Variants in RP1L1 observed in about 807,000 individuals in gnomAD.
RP1L1 encodes retinitis pigmentosa 1-like 1 protein.
In RP1L1, 27 loss-of-function variants were observed where a neutral mutation model predicts 15.7. That is an observed-to-expected ratio of 1.72 (90% CI 1.27 to 2.38). The LOEUF is 2.38. Ranked by LOEUF, RP1L1 falls within the 30% of genes most tolerant of loss-of-function variation. The probability of loss-of-function intolerance (pLI) is 0.00; values close to 1 mark genes in which losing one functional copy is unlikely to be tolerated. For missense variants in RP1L1, 4,798 were observed against 3,075.9 expected (o/e 1.56, Z -13.24); for synonymous variants, 1,813 against 1,276.7 (o/e 1.42, Z -8.96).
chr8:10,610,032 A>T lies in RP1L1; in HGVS notation c.4066T>A (p.Leu1356Ile). The T allele has an allele frequency of 7.5e-7, 1 of 1,334,242 alleles. No individual in the cohort carries two copies. Among genetic ancestry groups the T allele is most frequent in the Non-Finnish European group, 9.7e-7 (1 of 1,029,816 alleles). The allele number at this position is 1,334,242 out of a possible 1,614,324, so 82.7% of individuals were successfully genotyped here. A position where few individuals can be genotyped will look rare whatever the true frequency, so the allele number is the denominator to read the frequency against. The part of the protein sequence containing the change: ...GEGQQEEEAQ[L>I]EEIEETGGEG... Reference sequence around the variant, plus strand: ...CCTCCTGTTTCTTCAATTTCCTCTAACTGCGCCTCTTCTTCTTGCTGTCCT... The same window carrying T: ...CCTCCTGTTTCTTCAATTTCCTCTATCTGCGCCTCTTCTTCTTGCTGTCCT... The change falls in exon 4 of 4, where the codon TTA becomes ATA. Residue 1356 changes from leucine to isoleucine, a missense_variant. Transcript: ENST00000382483.
chr8:10,610,604 T>C lies in RP1L1; in HGVS notation c.3494A>G (p.Glu1165Gly), dbSNP rs766059767. 2.5e-6 allele frequency: 4 copies of C among 1,613,506 alleles called. No individual in the cohort carries two copies. The South Asian group carries it at 4.4e-5, about 18-fold the overall frequency. The change falls in exon 4 of 4, where the codon GAA (glutamate) becomes GGA (glycine). Residue 1165 changes from glutamate to glycine, a missense_variant. By Grantham distance (98) the Glu-to-Gly change is moderately conservative. Transcript: ENST00000382483. ...KDLWPGCDVG[E>G]DQLDSGLWEL... is the part of the protein sequence containing the mutation. ...CCAGAGGCCTGAGTCCAGCTGGTCT[T>C]CCCCAACGTCACATCCTGGCCACAG...
rs1285325698 is a variant in RP1L1, at chr8:10,606,735, C to G, written c.*160G>C. On this transcript the variant is annotated 3_prime_UTR_variant, in exon 4 of 4. Coordinates refer to ENST00000382483, the MANE Select transcript of RP1L1 (RefSeq NM_178857.6). The stretch of plus-strand genomic sequence containing the variant: ...TCTGACACTTCTGGACTTAAGAGTC[C>G]CAGGACAGCATGGCATGGGCTGTGT... 2 of 1,255,320 alleles carry G rather than the reference C, an allele frequency of 1.6e-6. No homozygotes were observed. The highest frequency in any genetic ancestry group is 2.5e-5 in the East Asian group (1 of 39,786). 77.8% of individuals were successfully genotyped at this position (1,255,320 alleles called of 1,614,324 possible). A position where few individuals can be genotyped will look rare whatever the true frequency, so the allele number is the denominator to read the frequency against.
At position 10,612,872 on chromosome 8, in the gene RP1L1, G is replaced by A. The variant is rs746559292; in HGVS notation, c.1226C>T (p.Thr409Met). ...TCCCTGGGAGGCATGCAGGGGATTC[G>A]TCCAGATTTCATACTTGGGCCCTGG... The part of the protein sequence containing the change: ...GQPGPKYEIW[T>M]NPLHASQGER... The change falls in exon 4 of 4, where the codon ACG becomes ATG. Residue 409 changes from threonine (T) to methionine (M), a missense_variant. Transcript: ENST00000382483. 15 of 1,612,610 alleles carry A rather than the reference G, an allele frequency of 9.3e-6. No individual in the cohort carries two copies. The highest frequency in any genetic ancestry group is 1.3e-5 in the African/African-American group (1 of 74,836).
At chr8:10,650,686 C>T (rs959679339) in intron 1 of RP1L1, among the ~76,000 whole-genome samples, 9 of 152,058 alleles carry the variant, frequency 5.9e-5, no homozygotes, top group East Asian at 1.9e-4. Context: ...CTCAGCCTCC[C>T]GAGTAGCTGC....
At chr8:10,631,389 A>ATT (rs201623211) in intron 1 of RP1L1, among the ~76,000 whole-genome samples, 7,808 of 122,132 alleles carry the variant, frequency 0.064, 338 homozygotes, top group Non-Finnish European at 0.079. Flanking sequence ...ACACACATGC[A>ATT]CACACACGCA....
chr8:10,607,136 C>G lies in RP1L1; in HGVS notation c.6962G>C (p.Gly2321Ala), dbSNP rs755782651. ...CTTGGCATCAGGGCTCCTTGTGTCT[C>G]CAAGTACATGGTCATTTTCTGAGTC... ...QKDSENDHVL[G>A]DTRSPDAKST... Residue 2321 changes from glycine to alanine, a missense_variant, in exon 4 of 4, where the codon GGA becomes GCA. By Grantham distance (60) the Gly-to-Ala change is moderately conservative. Coordinates refer to ENST00000382483, the MANE Select transcript of RP1L1 (RefSeq NM_178857.6). The G allele has an allele frequency of 6.2e-7, 1 of 1,614,228 alleles. No homozygotes were observed. Among genetic ancestry groups the G allele is most frequent in the Non-Finnish European group, 8.5e-7 (1 of 1,180,048 alleles).
At chr8:10,616,359 C>T (rs1427405250) in intron 3 of RP1L1, 87 bp downstream of exon 3, 2 of 1,576,172 alleles carry the variant, frequency 1.3e-6, no homozygotes, top group Non-Finnish European at 1.7e-6. Context: ...GGGAAGTTTC[C>T]TGAATTACCT....
chr8:10,619,957 T>C (rs567245569), intron 2 of RP1L1, among the ~76,000 whole-genome samples: 15 of 63,088 alleles, frequency 2.4e-4, no homozygotes, highest in African/African-American at 1.1e-3. Flanking sequence ...GGAGACTCCA[T>C]CTCAAAAAAA....
chr8:10,639,928 G>C (rs1007177476), intron 1 of RP1L1, among the ~76,000 whole-genome samples: 7 of 152,082 alleles, frequency 4.6e-5, no homozygotes, highest in Admixed American at 3.3e-4. Context: ...ATGTTACATG[G>C]GGTGTATTTA....
Position 10,610,518 on chromosome 8 carries a change from T to G in RP1L1, c.3580A>C (p.Thr1194Pro), listed in dbSNP as rs375562242. Residue 1194 changes from threonine (T) to proline (P), a missense_variant, in exon 4 of 4, where the codon ACG becomes CCG. Physicochemically the swap from Thr to Pro is conservative, Grantham distance 38. Coordinates refer to ENST00000382483, the MANE Select transcript of RP1L1 (RefSeq NM_178857.6). ...LGSHAMTENF[T>P]PTSSSGVDIS... ...TCCACACCAGAGGAGGATGTGGGCG[T>G]GAAGTTCTCCGTCATGGCATGGGAC... 10 of 1,613,678 alleles carry G rather than the reference T, an allele frequency of 6.2e-6. No individual in the cohort carries two copies. The highest frequency in any genetic ancestry group is 1.6e-4 in the Middle Eastern group (1 of 6,062).
intron 1 of RP1L1, among the ~76,000 whole-genome samples, chr8:10,627,246 C>T (rs1448003469): frequency 2.0e-5 from 3 of 152,060 alleles, no homozygotes; most frequent in African/African-American, 4.8e-5. Flanking sequence ...CATTCATCCG[C>T]GGATGAACAG....
rs573338436 is a variant in RP1L1 at position 10,642,819 on chromosome 8, TA to T, written c.-20+12078del. ...AGAGAATGTGTGGATTTTTTCACAT[TA>T]GAAAGCTCTGGAGAAACTTAAAAAA... is the stretch of plus-strand genomic sequence containing the variant. On this transcript the variant is annotated intron_variant, in intron 1 of 3. Coordinates refer to ENST00000382483, the MANE Select transcript of RP1L1 (RefSeq NM_178857.6). 2.9e-3 allele frequency among the ~76,000 whole-genome samples: 438 copies of T among 152,292 alleles called. 1 individual carries two copies. Among genetic ancestry groups the T allele is most frequent in the African/African-American group, 9.9e-3 (413 of 41,552 alleles).
chr8:10,628,870 A>T (rs1236815906), intron 1 of RP1L1, among the ~76,000 whole-genome samples: 2 of 152,126 alleles, frequency 1.3e-5, no homozygotes, highest in African/African-American at 4.8e-5. Flanking sequence ...ACAAACACAC[A>T]CTTGCTAATA....
chr8:10,624,417 G>C (rs1461151896), intron 1 of RP1L1, among the ~76,000 whole-genome samples: 1 of 152,178 alleles, frequency 6.6e-6, no homozygotes, highest in Non-Finnish European at 1.5e-5. Flanking sequence ...CACTGGGTGT[G>C]ACTGAATGCA....
chr8:10,631,373 A>ATT (rs747924200), intron 1 of RP1L1, among the ~76,000 whole-genome samples: 101,555 of 138,024 alleles, frequency 0.74, 37,128 homozygotes, highest in East Asian at 0.97. Flanking sequence ...ACACACATGC[A>ATT]CACAAACACA....
rs533711282 is a variant in RP1L1 at position 10,654,960 on chromosome 8, G to A, written c.-82C>T. Reference sequence around the variant, plus strand: ...AAGCCTCAGGGGGACGTCCTTTGGAGGAAAGTCAGGCCAGGGGGAACACCG... The same window carrying A: ...AAGCCTCAGGGGGACGTCCTTTGGAAGAAAGTCAGGCCAGGGGGAACACCG... On this transcript the variant is annotated 5_prime_UTR_variant, in exon 1 of 4. Coordinates refer to ENST00000382483, the MANE Select transcript of RP1L1 (RefSeq NM_178857.6). The A allele has an allele frequency of 6.5e-6, 1 of 152,998 alleles. No individual in the cohort carries two copies. Among genetic ancestry groups the A allele is most frequent in the South Asian group, 2.1e-4 (1 of 4,832 alleles). 9.5% of individuals were successfully genotyped at this position (152,998 alleles called of 1,614,324 possible). A position where few individuals can be genotyped will look rare whatever the true frequency, so the allele number is the denominator to read the frequency against.
chr8:10,625,477 C>G (rs1009766931), intron 1 of RP1L1, among the ~76,000 whole-genome samples: 1 of 149,448 alleles, frequency 6.7e-6, no homozygotes, highest in African/African-American at 2.5e-5. Context: ...CACTCTGTGC[C>G]CAGCTGGGGG....
In RP1L1 at chr8:10,611,223, C is replaced by G; in HGVS notation, c.2875G>C (p.Glu959Gln). ...TCTTCTGGAATGTTGTCCAGCCATT[C>G]GCGGACCACAGCCTCTGGAGACGAG... is the stretch of plus-strand genomic sequence containing the variant. ...PRSSPEAVVR[E>Q]WLDNIPEEPI... The change falls in exon 4 of 4, where the codon GAA becomes CAA. Residue 959 changes from glutamate to glutamine, a missense_variant. Physicochemically the swap from Glu to Gln is conservative, Grantham distance 29. Transcript: ENST00000382483. 3 of 1,613,030 alleles carry G rather than the reference C, an allele frequency of 1.9e-6. No homozygotes were observed. The highest frequency in any genetic ancestry group is 2.5e-6 in the Non-Finnish European group (3 of 1,180,032).
At position 10,610,237 on chromosome 8, in the gene RP1L1, C is replaced by T. The variant is rs775461512; in HGVS notation, c.3861G>A (p.Ser1287=). Reference sequence around the variant, plus strand: ...TGTTTTCAGCTAACTGCTCCAGGTTCGAGCTCGCCCTCTGCTCCTCACTGT... The same window carrying T: ...TGTTTTCAGCTAACTGCTCCAGGTTTGAGCTCGCCCTCTGCTCCTCACTGT... ...ERDSEEQRAS[S]NLEQLAENTV... The change falls in exon 4 of 4, where the codon TCG becomes TCA. Residue 1287 remains serine (S), a synonymous_variant. Transcript: ENST00000382483. 37 of 1,613,828 alleles carry T rather than the reference C, an allele frequency of 2.3e-5. 1 individual carries two copies. The South Asian group carries it at 3.2e-4, about 14-fold the overall frequency.
Sources: allele counts gnomAD v4.1 joint callset (sites outside exome capture counted in the v4.1 genomes callset), GRCh38; gene constraint gnomAD v4.1.1; transcripts MANE v1.5; gene names NCBI Gene and HGNC (gene_info 2026-07-23, HGNC 2026-07-21).